The following ENKUR variants were observed in gnomAD, a reference collection of about 807,000 sequenced individuals.
The protein encoded by ENKUR is enkurin.
In ENKUR, 19 loss-of-function variants were observed where a neutral mutation model predicts 27.6. The observed-to-expected ratio is 0.69, with a 90% CI of 0.48 to 1.01. ENKUR has a LOEUF of 1.01. Among genes scored for constraint, ENKUR ranks in the 50% least tolerant of loss-of-function variants. The pLI is 0.00. For synonymous variants in ENKUR, 117 were observed against 96.9 expected (o/e 1.21, Z -1.22); for missense variants, 312 against 310.5 (o/e 1.00, Z -0.04).
At chr10:25,015,776 A>T (rs546582568) in intron 1 of ENKUR, 84 bp downstream of exon 1, 12 of 1,229,228 alleles carry the variant, frequency 9.8e-6, no homozygotes, top group African/African-American at 1.6e-5. Context: ...ATTTATTATT[A>T]AAAATTCCAG....
At chr10:24,988,338 ATATATATATTTATATATGTG>A (rs1396830412) in intron 4 of ENKUR, among the ~76,000 whole-genome samples, 4 of 143,824 alleles carry the variant, frequency 2.8e-5, no homozygotes, top group South Asian at 2.2e-4. Flanking sequence ...ATATATGTGT[ATATATATATTTATATATGTG>A]TATATATATT....
In ENKUR at chr10:25,016,036, T is replaced by TG. The variant is rs1850562014; in HGVS notation, c.-101_-100insC. 8.7e-6 allele frequency: 13 copies of TG among 1,492,072 alleles called. No individual in the cohort carries two copies. The Admixed American group carries it at 2.9e-4, about 33-fold the overall frequency. 92.4% of individuals were successfully genotyped at this position (1,492,072 alleles called of 1,614,324 possible). On this transcript the variant is annotated 5_prime_UTR_variant, in exon 1 of 6. Coordinates refer to ENST00000331161, the MANE Select transcript of ENKUR (RefSeq NM_145010.4). ...TCACTGCTTCCCCTTTCTTTCTTCT[T>TG]CGCCTTCTGAAGGACCACAGGTTCT...
At chr10:25,054,534 T>TCTTTCTTTC (rs1851230140) in intron 2 of ENKUR, among the ~76,000 whole-genome samples, 2 of 140,398 alleles carry the variant, frequency 1.4e-5, no homozygotes, top group Non-Finnish European at 3.1e-5. Context: ...TTCTTTCCTT[T>TCTTTCTTTC]CTTTCTTTCT....
intron 2 of ENKUR, among the ~76,000 whole-genome samples, chr10:25,028,639 A>G (rs988330991): frequency 6.6e-6 from 1 of 152,144 alleles, no homozygotes; most frequent in African/African-American, 2.4e-5. Flanking sequence ...TTTATTCTCC[A>G]ATCAAGATAA....
upstream of ENKUR, among the ~76,000 whole-genome samples, chr10:25,019,575 T>C (rs1236695316): frequency 6.6e-6 from 1 of 152,366 alleles, no homozygotes; most frequent in African/African-American, 2.4e-5. Flanking sequence ...CATTGTATTA[T>C]GTATTATAAG....
At chr10:25,027,917 A>G (rs12244626) in intron 2 of ENKUR, among the ~76,000 whole-genome samples, 6,950 of 152,234 alleles carry the variant, frequency 0.046, 519 homozygotes, top group African/African-American at 0.16. Context: ...AGACAACGCA[A>G]AAATTCAGTC....
At chr10:24,991,696 C>A (rs146470364) in intron 3 of ENKUR, among the ~76,000 whole-genome samples, 1 of 152,332 alleles carries the variant, frequency 6.6e-6, no homozygotes, top group African/African-American at 2.4e-5. Context: ...TGCACTCATT[C>A]TCCAAGCCCA....
chr10:24,996,454 G>GTATATATATA (rs774819339), intron 2 of ENKUR, among the ~76,000 whole-genome samples: 2,506 of 149,282 alleles, frequency 0.017, 35 homozygotes, highest in African/African-American at 0.041. Flanking sequence ...GTGTGTGTGT[G>GTATATATATA]TGTATATATA....
intron 2 of ENKUR, among the ~76,000 whole-genome samples, chr10:25,043,740 AT>A (rs1205956822): frequency 6.6e-6 from 1 of 152,078 alleles, no homozygotes; most frequent in African/African-American, 2.4e-5. Context: ...ACCATTTGGC[AT>A]TGTTCTAAGG....
At chr10:25,051,816 G>A (rs1001133197) in intron 2 of ENKUR, among the ~76,000 whole-genome samples, 6 of 152,190 alleles carry the variant, frequency 3.9e-5, no homozygotes, top group Non-Finnish European at 2.9e-5. Flanking sequence ...AAGGCAGAAC[G>A]AGGAGTACAG....
chr10:24,995,331 T>C (rs1326738202), intron 3 of ENKUR, among the ~76,000 whole-genome samples: 1 of 152,242 alleles, frequency 6.6e-6, no homozygotes, highest in Non-Finnish European at 1.5e-5. Flanking sequence ...TAATGACTGC[T>C]TTTAGTGACA....
intron 2 of ENKUR, among the ~76,000 whole-genome samples, chr10:25,046,659 T>C (rs1426252363): frequency 6.6e-6 from 1 of 152,218 alleles, no homozygotes; most frequent in African/African-American, 2.4e-5. Flanking sequence ...AGATAGTGCA[T>C]ATAAAGCTCT....
Position 24,984,200 on chromosome 10 carries a change from T to C in ENKUR, c.*170A>G. 3.0e-6 allele frequency: 2 copies of C among 663,260 alleles called. No homozygotes were observed. The highest frequency in any genetic ancestry group is 4.8e-6 in the Non-Finnish European group (2 of 414,812). 41.1% of individuals were successfully genotyped at this position (663,260 alleles called of 1,614,324 possible). A position where few individuals can be genotyped will look rare whatever the true frequency, so the allele number is the denominator to read the frequency against. On this transcript the variant is annotated 3_prime_UTR_variant, in exon 6 of 6. Transcript: ENST00000331161. ...TATACAGTGTTACGAATACTGAAAATATTTCTCACTGGGAATAACTGCAAA... is the reference window on the plus strand; with the variant it reads ...TATACAGTGTTACGAATACTGAAAACATTTCTCACTGGGAATAACTGCAAA...
At position 25,050,507 on chromosome 10, in the gene ENKUR, G is replaced by A. The variant is rs143416292; in HGVS notation, c.37+10605C>T. 2.7e-3 allele frequency among the ~76,000 whole-genome samples: 414 copies of A among 152,210 alleles called. 1 individual carries two copies. Among genetic ancestry groups the A allele is most frequent in the Middle Eastern group, 0.01 (3 of 294 alleles). ...ATAAAACCGTTAGATTTCGTGAGAC[G>A]TATTCACTACCACGAGAACAGCATG... is the stretch of plus-strand genomic sequence containing the variant. On this transcript the variant is annotated intron_variant, in intron 2 of 5. Coordinates refer to the ENKUR transcript ENST00000615958.
intron 2 of ENKUR, among the ~76,000 whole-genome samples, chr10:24,996,886 T>C (rs1850073325): frequency 6.6e-6 from 1 of 152,084 alleles, no homozygotes; most frequent in African/African-American, 2.4e-5. Context: ...TGTAGAAAGG[T>C]CTTTAAAGAG....
In ENKUR at chr10:25,061,262, A is replaced by T. The variant is rs182996287; in HGVS notation, c.-114T>A. The T allele has an allele frequency of 6.4e-4, 555 of 873,436 alleles. 2 individuals are homozygous for T. Among genetic ancestry groups the T allele is most frequent in the Middle Eastern group, 3.7e-3 (13 of 3,532 alleles). 54.1% of individuals were successfully genotyped at this position (873,436 alleles called of 1,614,324 possible). A position where few individuals can be genotyped will look rare whatever the true frequency, so the allele number is the denominator to read the frequency against. On this transcript the variant is annotated 5_prime_UTR_variant, in exon 2 of 6. Transcript: ENST00000615958. The stretch of plus-strand genomic sequence containing the variant: ...AGCTATATGGTTGATGCTGCCAGAC[A>T]CATCCAGATATGGAAAATCAACTTT...
At chr10:25,035,423 T>C (rs1329148941) in intron 2 of ENKUR, among the ~76,000 whole-genome samples, 1 of 152,046 alleles carries the variant, frequency 6.6e-6, no homozygotes, top group Non-Finnish European at 1.5e-5. Context: ...GGCGTGGTGG[T>C]GCACACCTGT....
At chr10:25,023,716 C>G in intron 2 of ENKUR, 1 of 1,613,696 alleles carries the variant, frequency 6.2e-7, no homozygotes, top group Non-Finnish European at 8.5e-7. Flanking sequence ...AATTTGTCGT[C>G]TAAAATTAAT....
chr10:25,021,549 A>G (rs1443802409), intron 2 of ENKUR, among the ~76,000 whole-genome samples: 2 of 152,194 alleles, frequency 1.3e-5, no homozygotes, highest in African/African-American at 2.4e-5. Flanking sequence ...AATTCTTTTT[A>G]TAATGAGACA....
Sources: allele counts gnomAD v4.1 joint callset (sites outside exome capture counted in the v4.1 genomes callset), GRCh38; gene constraint gnomAD v4.1.1; transcripts MANE v1.5; gene names NCBI Gene and HGNC (gene_info 2026-07-23, HGNC 2026-07-21).